ACYP2: variants seen among roughly 807,000 people sequenced by gnomAD.
ACYP2 encodes the protein acylphosphatase-2.
ACYP2 carries 12 observed loss-of-function variants against 11.2 expected under a neutral mutation model. The observed-to-expected ratio is 1.08, with a 90% CI of 0.69 to 1.74. The LOEUF (loss-of-function observed/expected upper bound fraction) is 1.74. Among genes scored for constraint, ACYP2 ranks in the 40% most tolerant of loss-of-function variants. ACYP2 has a pLI of 0.00. For synonymous variants in ACYP2, 43 were observed against 32.2 expected (o/e 1.33, Z -1.13); for missense variants, 134 against 101.9 (o/e 1.31, Z -1.35).
chr2:54,009,688 CATGAACAATGGAAGGGTCT>C (rs1414978669), intron 2 of ACYP2, among the ~76,000 whole-genome samples: 5 of 152,220 alleles, frequency 3.3e-5, no homozygotes, highest in Admixed American at 1.3e-4. Flanking sequence ...GGATGAAAAA[CATGAACAATGGAAGGGTCT>C]TGTTTCAACT....
intron 3 of ACYP2, among the ~76,000 whole-genome samples, chr2:54,053,546 C>T (rs913183117): frequency 6.6e-5 from 10 of 152,186 alleles, no homozygotes; most frequent in African/African-American, 2.4e-4. Context: ...CTGTACCAGT[C>T]CCCCTGTGTA....
chr2:54,295,576 A>G (rs1342371833), intron 6 of ACYP2, among the ~76,000 whole-genome samples: 2 of 152,146 alleles, frequency 1.3e-5, no homozygotes, highest in Admixed American at 6.5e-5. Context: ...TAGGCAGATG[A>G]CAAAGGCTCA....
intron 6 of ACYP2, among the ~76,000 whole-genome samples, chr2:54,287,643 G>A (rs770396500): frequency 5.6e-4 from 85 of 152,076 alleles, no homozygotes; most frequent in Non-Finnish European, 9.7e-4. Flanking sequence ...CTTTGAAGCC[G>A]CCATGCTGAA....
intron 4 of ACYP2, among the ~76,000 whole-genome samples, chr2:54,116,502 G>GTTTTT (rs57486234): frequency 1.5e-5 from 2 of 129,272 alleles, no homozygotes; most frequent in Non-Finnish European, 3.2e-5. Context: ...TTGCTTGAGG[G>GTTTTT]TTTTTTTTTT....
chr2:54,211,996 C>T (rs1412010778), intron 6 of ACYP2, among the ~76,000 whole-genome samples: 2 of 152,306 alleles, frequency 1.3e-5, no homozygotes, highest in East Asian at 3.9e-4. Flanking sequence ...AAGCTCCACT[C>T]ACTGCCTGCC....
intron 2 of ACYP2, among the ~76,000 whole-genome samples, chr2:54,024,013 C>A (rs2104548421): frequency 6.6e-6 from 1 of 152,258 alleles, no homozygotes; most frequent in African/African-American, 2.4e-5. Flanking sequence ...AGAGCAATAT[C>A]CCTGATGAAC....
intron 6 of ACYP2, among the ~76,000 whole-genome samples, chr2:54,185,108 G>T (rs1683918736): frequency 6.6e-6 from 1 of 152,150 alleles, no homozygotes; most frequent in Non-Finnish European, 1.5e-5. Flanking sequence ...AATTGTGATT[G>T]TCTCCCCAAC....
intron 6 of ACYP2, among the ~76,000 whole-genome samples, chr2:54,223,716 A>G (rs1685891734): frequency 6.6e-6 from 1 of 152,184 alleles, no homozygotes; most frequent in African/African-American, 2.4e-5. Flanking sequence ...AAATTGACCA[A>G]AAGAACTTTA....
intron 6 of ACYP2, among the ~76,000 whole-genome samples, chr2:54,145,248 G>T (rs1045073475): frequency 6.6e-6 from 1 of 152,094 alleles, no homozygotes; most frequent in Non-Finnish European, 1.5e-5. Flanking sequence ...AAAAAATTTT[G>T]TTAAATCCTT....
intron 6 of ACYP2, among the ~76,000 whole-genome samples, chr2:54,289,289 A>C (rs1012015604): frequency 2.6e-5 from 4 of 151,952 alleles, no homozygotes; most frequent in African/African-American, 9.7e-5. Flanking sequence ...CTTATTTGCC[A>C]AAAATTCACC....
chr2:53,988,429 C>G (rs1021744759), intron 2 of ACYP2, among the ~76,000 whole-genome samples: 2 of 152,124 alleles, frequency 1.3e-5, no homozygotes, highest in African/African-American at 2.4e-5. Context: ...TAGACAGGGT[C>G]TTGCTCTGTC....
At chr2:54,002,644 C>T (rs1386335211) in intron 2 of ACYP2, among the ~76,000 whole-genome samples, 1 of 143,302 alleles carries the variant, frequency 7.0e-6, no homozygotes, top group East Asian at 2.1e-4. Flanking sequence ...CATGCCTGGC[C>T]ATTTTATTTT....
rs181876968 is a variant in ACYP2, at chr2:54,028,472, T to C, written c.63-22486T>C. Among the ~76,000 whole-genome samples the C allele has an allele frequency of 2.5e-3, 375 of 152,316 alleles. 1 individual carries two copies. Among genetic ancestry groups the C allele is most frequent in the African/African-American group, 8.6e-3 (358 of 41,574 alleles). The stretch of plus-strand genomic sequence containing the variant: ...TATTTTTCTCTCTGTAAACATGGGA[T>C]GATGTTCTCTGAAGTTCCCTCATCT... On this transcript the variant is annotated intron_variant, in intron 2 of 6. Coordinates refer to ENST00000607452, the MANE Select transcript of ACYP2 (RefSeq NM_001320586.2).
intron 6 of ACYP2, among the ~76,000 whole-genome samples, chr2:54,294,252 A>C (rs1196231591): frequency 6.6e-6 from 1 of 152,184 alleles, no homozygotes; most frequent in Non-Finnish European, 1.5e-5. Flanking sequence ...ATATCACCCC[A>C]GGAGCTTACT....
chr2:53,985,443 C>A (rs1671986804), intron 2 of ACYP2, among the ~76,000 whole-genome samples: 1 of 151,984 alleles, frequency 6.6e-6, no homozygotes, highest in Non-Finnish European at 1.5e-5. Context: ...CACTTCAGGA[C>A]CCAGGCTGAT....
intron 4 of ACYP2, among the ~76,000 whole-genome samples, chr2:54,101,751 C>T (rs1678906455): frequency 6.7e-6 from 1 of 150,072 alleles, no homozygotes; most frequent in Admixed American, 6.6e-5. Context: ...TCCTCCCTTT[C>T]TCCTTTTTAA....
At chr2:54,007,399 A>G (rs1424042419) in intron 2 of ACYP2, among the ~76,000 whole-genome samples, 1 of 151,716 alleles carries the variant, frequency 6.6e-6, no homozygotes, top group Non-Finnish European at 1.5e-5. Context: ...GACTACAGGC[A>G]TGTGCCACCA....
chr2:54,097,606 A>G (rs61572658), intron 4 of ACYP2, among the ~76,000 whole-genome samples: 29,718 of 151,852 alleles, frequency 0.2, 3,933 homozygotes, highest in African/African-American at 0.38. Context: ...AGGGAAAGGT[A>G]TGGTGAACCC....
intron 2 of ACYP2, among the ~76,000 whole-genome samples, chr2:54,047,439 C>T (rs1273010397): frequency 6.6e-6 from 1 of 152,166 alleles, no homozygotes; most frequent in Non-Finnish European, 1.5e-5. Context: ...GTGGCCCTGT[C>T]GAGTCATTTT....
Sources: gnomAD v4.1 joint callset for allele counts (sites outside exome capture counted in the v4.1 genomes callset) on GRCh38, gnomAD v4.1.1 for gene constraint, MANE v1.5 for transcripts, NCBI Gene and HGNC (gene_info 2026-07-23, HGNC 2026-07-21) for gene names.